The following GSTCD variants were observed in gnomAD, a reference collection of about 807,000 sequenced individuals.
The protein encoded by GSTCD is glutathione S-transferase C-terminal domain-containing protein.
Under a neutral mutation model 68.3 loss-of-function variants are expected in GSTCD, and 44 were observed. That is an observed-to-expected ratio of 0.64 (90% CI 0.51 to 0.83). The LOEUF is 0.83. Among genes scored for constraint, GSTCD ranks in the 40% least tolerant of loss-of-function variants. GSTCD has a pLI of 0.00. For missense variants in GSTCD, 739 were observed against 735.9 expected (o/e 1.00, Z -0.05); for synonymous variants, 273 against 255.2 (o/e 1.07, Z -0.67).
At chr4:105,744,709 C>T (rs918972763) in intron 5 of GSTCD, among the ~76,000 whole-genome samples, 2 of 152,150 alleles carry the variant, frequency 1.3e-5, no homozygotes, top group East Asian at 3.8e-4. Flanking sequence ...ATATTACAGG[C>T]TTATCTTATC....
intron 5 of GSTCD, among the ~76,000 whole-genome samples, chr4:105,802,707 T>C (rs1293653805): frequency 6.6e-6 from 1 of 152,136 alleles, no homozygotes; most frequent in Non-Finnish European, 1.5e-5. Context: ...CTCTCTGTCC[T>C]CTTCTTTGCA....
At chr4:105,817,086 G>C (rs1263737776) in intron 5 of GSTCD, among the ~76,000 whole-genome samples, 1 of 151,766 alleles carries the variant, frequency 6.6e-6, no homozygotes, top group Non-Finnish European at 1.5e-5. Flanking sequence ...TTTCTTTTAA[G>C]AACATTGTAC....
At chr4:105,796,288 C>T (rs1339107122) in intron 5 of GSTCD, among the ~76,000 whole-genome samples, 1 of 152,122 alleles carries the variant, frequency 6.6e-6, no homozygotes, top group East Asian at 1.9e-4. Context: ...GTGAGAACAG[C>T]ACAGGAAAGA....
At chr4:105,823,193 G>T in intron 6 of GSTCD, 38 bp from the exon 7 acceptor site, 1 of 1,607,184 alleles carries the variant, frequency 6.2e-7, no homozygotes, top group South Asian at 1.1e-5. Flanking sequence ...AAGCTGTGGG[G>T]ACCAAAGCTA....
intron 9 of GSTCD, among the ~76,000 whole-genome samples, chr4:105,835,252 C>T (rs144545649): frequency 8.2e-4 from 125 of 152,256 alleles, no homozygotes; most frequent in African/African-American, 3.0e-3. Context: ...GCCCATTGGG[C>T]TCACTCCACT....
chr4:105,745,608 G>A (rs1733773356), intron 5 of GSTCD, among the ~76,000 whole-genome samples: 1 of 152,150 alleles, frequency 6.6e-6, no homozygotes, highest in African/African-American at 2.4e-5. Flanking sequence ...GTATAAAAGA[G>A]GGTTATGTTC....
chr4:105,774,654 T>C (rs1342752738), intron 5 of GSTCD, among the ~76,000 whole-genome samples: 1 of 152,204 alleles, frequency 6.6e-6, no homozygotes, highest in South Asian at 2.1e-4. Context: ...AAAATTCTTT[T>C]CTTTAAGAAT....
intron 5 of GSTCD, among the ~76,000 whole-genome samples, chr4:105,747,314 T>C (rs1733839088): frequency 6.6e-6 from 1 of 152,248 alleles, no homozygotes; most frequent in Admixed American, 6.5e-5. Flanking sequence ...CTTTTCAAAC[T>C]AGGATATCTA....
chr4:105,718,622 G>A (rs1235120486), intron 2 of GSTCD, among the ~76,000 whole-genome samples: 1 of 152,124 alleles, frequency 6.6e-6, no homozygotes, highest in African/African-American at 2.4e-5. Context: ...CAATATTTCA[G>A]TGCAGTATTG....
intron 5 of GSTCD, among the ~76,000 whole-genome samples, chr4:105,737,189 A>G (rs1044100766): frequency 3.3e-5 from 5 of 152,206 alleles, no homozygotes; most frequent in African/African-American, 1.2e-4. Context: ...TGGCTGTACT[A>G]GTTTACATTC....
intron 5 of GSTCD, among the ~76,000 whole-genome samples, chr4:105,809,602 C>T (rs1346979424): frequency 3.3e-5 from 5 of 152,040 alleles, no homozygotes; most frequent in African/African-American, 9.7e-5. Context: ...CTATCTACCC[C>T]CACTGGAATG....
intron 5 of GSTCD, among the ~76,000 whole-genome samples, chr4:105,806,758 A>G (rs1472227137): frequency 6.6e-6 from 1 of 152,094 alleles, no homozygotes; most frequent in Non-Finnish European, 1.5e-5. Context: ...AAATAGAAAA[A>G]TCAGAAAGAG....
intron 3 of GSTCD, among the ~76,000 whole-genome samples, chr4:105,722,069 C>T (rs1358684243): frequency 6.6e-6 from 1 of 152,086 alleles, no homozygotes; most frequent in Non-Finnish European, 1.5e-5. Flanking sequence ...GCCTATAAGA[C>T]AGAAAGTTGC....
In GSTCD at chr4:105,845,645, G is replaced by T; in HGVS notation, c.*68G>T. The stretch of plus-strand genomic sequence containing the variant: ...TTGGATGCCCAGTGGCATTCAGGAG[G>T]TTCTTGGCATAACTAGGAAACAGCA... On this transcript the variant is annotated 3_prime_UTR_variant, in exon 12 of 12. Transcript: ENST00000515279. 6.5e-7 allele frequency: 1 copy of T among 1,541,650 alleles called. No individual in the cohort carries two copies. The highest frequency in any genetic ancestry group is 8.9e-7 in the Non-Finnish European group (1 of 1,120,996).
At chr4:105,751,943 G>A (rs1001679844) in intron 5 of GSTCD, among the ~76,000 whole-genome samples, 2 of 152,130 alleles carry the variant, frequency 1.3e-5, no homozygotes, top group South Asian at 2.1e-4. Context: ...CCTAAATCCC[G>A]TGGGACTACT....
At chr4:105,842,186 G>T in intron 11 of GSTCD, 52 bp downstream of exon 11, 1 of 1,408,528 alleles carries the variant, frequency 7.1e-7, no homozygotes, top group Admixed American at 1.7e-5. Flanking sequence ...AATATGACTG[G>T]GAATGATTGG....
At chr4:105,825,379 C>T (rs941281863) in intron 7 of GSTCD, among the ~76,000 whole-genome samples, 6 of 152,208 alleles carry the variant, frequency 3.9e-5, no homozygotes, top group Admixed American at 2.6e-4. Context: ...ATCCGCTTGC[C>T]TCGGCCTCCC....
At chr4:105,828,136 C>T (rs1396949159) in intron 8 of GSTCD, among the ~76,000 whole-genome samples, 1 of 152,102 alleles carries the variant, frequency 6.6e-6, no homozygotes, top group Admixed American at 6.5e-5. Context: ...ACAGTATTGG[C>T]GAATCCTTTC....
At chr4:105,725,001 T>C (rs1363875604) in intron 3 of GSTCD, among the ~76,000 whole-genome samples, 3 of 151,978 alleles carry the variant, frequency 2.0e-5, no homozygotes, top group Non-Finnish European at 4.4e-5. Flanking sequence ...GTTTCCAGAT[T>C]GGAATGCAGT....
Sources: gnomAD v4.1 joint callset for allele counts (sites outside exome capture counted in the v4.1 genomes callset) on GRCh38, gnomAD v4.1.1 for gene constraint, MANE v1.5 for transcripts, NCBI Gene and HGNC (gene_info 2026-07-23, HGNC 2026-07-21) for gene names.